C9orf85: variants seen among roughly 807,000 people sequenced by gnomAD.
C9orf85 encodes chromosome 9 open reading frame 85, also known as uncharacterized protein C9orf85.
A neutral mutation model predicts 14.9 loss-of-function variants in C9orf85; 16 were observed. The observed-to-expected ratio is 1.08, with a 90% confidence interval of 0.73 to 1.63. The LOEUF is 1.63. Among genes scored for constraint, C9orf85 ranks in the 40% most tolerant of loss-of-function variants. C9orf85 has a pLI of 0.00. For synonymous variants in C9orf85, 45 were observed against 56.8 expected (o/e 0.79, Z 0.93); for missense variants, 172 against 186.1 (o/e 0.92, Z 0.44).
chr9:71,952,111 G>C (rs543485534), intron 2 of C9orf85, among the ~76,000 whole-genome samples: 6 of 152,206 alleles, frequency 3.9e-5, no homozygotes, highest in African/African-American at 1.4e-4. Context: ...TTCTTACCAA[G>C]ACAAAAGTAA....
intron 1 of C9orf85, among the ~76,000 whole-genome samples, chr9:71,925,167 T>C (rs1467345309): frequency 6.6e-6 from 1 of 152,212 alleles, no homozygotes; most frequent in East Asian, 1.9e-4. Context: ...GAAAAGTCAG[T>C]CAAATTTAAC....
At chr9:71,958,745 AG>A (rs1564096081) in intron 2 of C9orf85, among the ~76,000 whole-genome samples, 2 of 152,190 alleles carry the variant, frequency 1.3e-5, no homozygotes, top group East Asian at 3.9e-4. Context: ...CCCCAGATCC[AG>A]GAGAGACTGA....
intron 2 of C9orf85, among the ~76,000 whole-genome samples, chr9:71,949,302 T>TTAA (rs1822183265): frequency 6.6e-6 from 1 of 152,218 alleles, no homozygotes; most frequent in South Asian, 2.1e-4. Flanking sequence ...TCATCAGTAT[T>TTAA]TAAATCTCTT....
chr9:71,973,987 C>T (rs1422287071), downstream of C9orf85, among the ~76,000 whole-genome samples: 6 of 151,306 alleles, frequency 4.0e-5, no homozygotes, highest in African/African-American at 7.3e-5. Context: ...AGTGCAATGG[C>T]GCAATCTCAG....
At chr9:71,935,632 C>CAA (rs34000576) in intron 1 of C9orf85, among the ~76,000 whole-genome samples, 74 of 126,314 alleles carry the variant, frequency 5.9e-4, no homozygotes, top group East Asian at 1.6e-3. Context: ...CCCCCCGACC[C>CAA]AAAAAAAAAA....
chr9:71,956,561 A>G (rs1175564030), intron 2 of C9orf85, among the ~76,000 whole-genome samples: 1 of 152,060 alleles, frequency 6.6e-6, no homozygotes, highest in Non-Finnish European at 1.5e-5. Flanking sequence ...CAAAAGCTTT[A>G]TATTTTATAA....
intron 2 of C9orf85, among the ~76,000 whole-genome samples, chr9:71,951,515 C>G (rs549448952): frequency 1.3e-5 from 2 of 152,182 alleles, no homozygotes; most frequent in Non-Finnish European, 2.9e-5. Context: ...GATCCTCCTA[C>G]CCATTTCTTA....
At position 71,947,082 on chromosome 9, in the gene C9orf85, A is replaced by G. The variant is rs769845562; in HGVS notation, c.179A>G (p.Lys60Arg). The G allele has an allele frequency of 1.2e-6, 2 of 1,613,094 alleles. No individual in the cohort carries two copies. Among genetic ancestry groups the G allele is most frequent in the East Asian group, 4.5e-5 (2 of 44,794 alleles). Residue 60 changes from lysine to arginine, a missense_variant, in exon 2 of 4, where the codon AAA becomes AGA. By Grantham distance (26) the Lys-to-Arg change is conservative. Transcript: ENST00000334731. ...CTTGAGTGGCGTGTAAAATACAGCA[A>G]ATACAAACCATTATCAAAACCTAAA... ...EVLEWRVKYS[K>R]YKPLSKPKKC...
chr9:71,962,764 T>C (rs1411676413), intron 2 of C9orf85, among the ~76,000 whole-genome samples: 1 of 152,180 alleles, frequency 6.6e-6, no homozygotes. Flanking sequence ...ATACAAAAAG[T>C]TGTGTTACTG....
At chr9:71,927,039 A>G (rs573129025) in intron 1 of C9orf85, among the ~76,000 whole-genome samples, 4 of 152,244 alleles carry the variant, frequency 2.6e-5, no homozygotes, top group Non-Finnish European at 4.4e-5. Context: ...TGAGGTTGGT[A>G]AACTCCAGTG....
Position 71,964,895 on chromosome 9 carries a change from G to A in C9orf85, c.210-6610G>A, listed in dbSNP as rs570552553. The stretch of plus-strand genomic sequence containing the variant: ...GACTAGTGTTTAGCTCAGTTAGGAC[G>A]AACCCGGGCACTTAGCCGTGCAGGA... On this transcript the variant is annotated intron_variant, in intron 2 of 3. Transcript: ENST00000334731. Among the ~76,000 whole-genome samples, 5 of 152,284 alleles carry A rather than the reference G, an allele frequency of 3.3e-5. No individual in the cohort carries two copies. In the South Asian group the frequency reaches 1.0e-3, roughly 32 times the overall value.
At chr9:71,928,476 A>G (rs1309019602) in intron 1 of C9orf85, among the ~76,000 whole-genome samples, 1 of 152,078 alleles carries the variant, frequency 6.6e-6, no homozygotes, top group African/African-American at 2.4e-5. Flanking sequence ...ACTAGCTCAT[A>G]TTTTTTTGGA....
rs74319128 is a variant in C9orf85, at chr9:71,961,890, G to A, written c.210-9615G>A. On this transcript the variant is annotated intron_variant, in intron 2 of 3. Transcript: ENST00000334731. Reference sequence around the variant, plus strand: ...GGTCAGAGGTAAATATTTTGTACCCGTTATGAATTATGGGCTGTAAACCCA... The same window carrying A: ...GGTCAGAGGTAAATATTTTGTACCCATTATGAATTATGGGCTGTAAACCCA... 8.5e-4 allele frequency among the ~76,000 whole-genome samples: 130 copies of A among 152,138 alleles called. 1 individual carries two copies. The highest frequency in any genetic ancestry group is 1.5e-3 in the Non-Finnish European group (102 of 67,986).
chr9:71,945,008 T>TC (rs1479942820), intron 1 of C9orf85, among the ~76,000 whole-genome samples: 1 of 152,108 alleles, frequency 6.6e-6, no homozygotes, highest in African/African-American at 2.4e-5. Flanking sequence ...GATGAACTGG[T>TC]CAGAAATTGG....
Position 71,972,800 on chromosome 9 carries a change from T to C in C9orf85, c.432T>C (p.Asp144=). Residue 144 remains aspartate (D), a synonymous_variant, in exon 4 of 4, where the codon GAT becomes GAC. Coordinates refer to ENST00000334731, the MANE Select transcript of C9orf85 (RefSeq NM_182505.5). The stretch of plus-strand genomic sequence containing the variant: ...AAAGTGATGATGATTTAGATTTTGA[T>C]ATTGATTTAGAAGACACAGGAGGAG... ...NEESDDDLDF[D]IDLEDTGGDH... The C allele has an allele frequency of 1.9e-6, 3 of 1,611,154 alleles. No homozygotes were observed. In the South Asian group the frequency reaches 3.3e-5, roughly 18 times the overall value.
chr9:71,924,151 G>A (rs1827878477), intron 1 of C9orf85, among the ~76,000 whole-genome samples: 1 of 152,142 alleles, frequency 6.6e-6, no homozygotes, highest in Non-Finnish European at 1.5e-5. Context: ...GATTAATTTG[G>A]TCCCTGTAGG....
chr9:71,965,590 A>C (rs970129517), intron 2 of C9orf85, among the ~76,000 whole-genome samples: 8 of 152,054 alleles, frequency 5.3e-5, no homozygotes, highest in African/African-American at 1.9e-4. Flanking sequence ...GTGCACCCCT[A>C]CACCTGGCTA....
chr9:71,976,823 T>G (rs1473451528), downstream of C9orf85, among the ~76,000 whole-genome samples: 1 of 152,080 alleles, frequency 6.6e-6, no homozygotes, highest in Non-Finnish European at 1.5e-5. Flanking sequence ...CCTATTTACT[T>G]CTCTACATAC....
intron 1 of C9orf85, among the ~76,000 whole-genome samples, chr9:71,915,640 G>A (rs912270102): frequency 2.6e-5 from 4 of 152,322 alleles, no homozygotes; most frequent in Admixed American, 6.5e-5. Context: ...ATAAGGTACT[G>A]TATAAAAGTG....
Sources: gnomAD v4.1 joint callset for allele counts (sites outside exome capture counted in the v4.1 genomes callset) on GRCh38, gnomAD v4.1.1 for gene constraint, MANE v1.5 for transcripts, NCBI Gene and HGNC (gene_info 2026-07-23, HGNC 2026-07-21) for gene names.